Variants in OTUD7A observed in about 807,000 individuals in gnomAD.
The protein encoded by OTUD7A is OTU domain-containing protein 7A.
A neutral mutation model predicts 65.7 loss-of-function variants in OTUD7A; 12 were observed. The observed-to-expected ratio is 0.18, with a 90% CI of 0.12 to 0.30. The LOEUF (loss-of-function observed/expected upper bound fraction) is 0.30, where lower values mean the gene tolerates loss of function less well. OTUD7A is among the 10% of genes least tolerant of loss of function. OTUD7A has a pLI of 1.00. For synonymous variants in OTUD7A, 641 were observed against 586.3 expected (o/e 1.09, Z -1.35); for missense variants, 1,148 against 1,304.8 (o/e 0.88, Z 1.85).
rs1595549152 is a variant in OTUD7A at position 31,484,429 on chromosome 15, G to A, written c.1667C>T (p.Ala556Val). The A allele has an allele frequency of 3.7e-6, 6 of 1,602,882 alleles. No homozygotes were observed. Among genetic ancestry groups the A allele is most frequent in the Non-Finnish European group, 5.1e-6 (6 of 1,179,864 alleles). The change falls in exon 13 of 13, where the codon GCC (alanine) becomes GTC (valine). Residue 556 changes from alanine (A) to valine (V), a missense_variant. Physicochemically the swap from Ala to Val is moderately conservative, Grantham distance 64. This residue lies in a region of OTUD7A where 842 missense variants were observed against 769.5 expected (regional missense o/e 1.09). Coordinates refer to ENST00000307050, the MANE Select transcript of OTUD7A (RefSeq NM_001382637.1). The surrounding 1 kb of genome is among the most constrained non-coding windows in gnomAD (Gnocchi z 4.5). ...GGCCGAGTCCCCGTTCTTGCCATTG[G>A]CGGAGTTGGCGCGGCCCATCTTGCC... Reference protein sequence around the residue: ...VHGKMGRANSANGKNGDSAER... With the variant: ...VHGKMGRANSVNGKNGDSAER...
intron 8 of OTUD7A, among the ~76,000 whole-genome samples, chr15:31,505,400 G>C (rs566949302): frequency 1.3e-5 from 2 of 152,146 alleles, no homozygotes; most frequent in Admixed American, 1.3e-4. Context: ...AAAGTATACT[G>C]ATTTTTTTAT....
At chr15:31,774,951 G>T (rs1455385795) in intron 1 of OTUD7A, among the ~76,000 whole-genome samples, 2 of 138,732 alleles carry the variant, frequency 1.4e-5, no homozygotes, top group African/African-American at 5.4e-5. Flanking sequence ...CCTTCTCGGT[G>T]GAACAGTTTT....
chr15:31,551,839 G>GC (rs1320221055), intron 5 of OTUD7A, among the ~76,000 whole-genome samples: 1 of 152,200 alleles, frequency 6.6e-6, no homozygotes, highest in Non-Finnish European at 1.5e-5. Context: ...CCATGGGACT[G>GC]CGGTATTGCC....
intron 1 of OTUD7A, among the ~76,000 whole-genome samples, chr15:31,807,629 C>T (rs1211926676): frequency 6.6e-6 from 1 of 152,030 alleles, no homozygotes; most frequent in Non-Finnish European, 1.5e-5. Context: ...GTTAAGGGTC[C>T]CTGCCTAACA....
chr15:31,583,244 G>A (rs1307748038), intron 3 of OTUD7A, among the ~76,000 whole-genome samples: 2 of 152,156 alleles, frequency 1.3e-5, no homozygotes. Flanking sequence ...ATAGTCTCTA[G>A]CAAGAGGCAT....
intron 1 of OTUD7A, among the ~76,000 whole-genome samples, chr15:31,769,798 GGTTA>G (rs1373664945): frequency 2.0e-5 from 3 of 152,138 alleles, no homozygotes; most frequent in Admixed American, 6.5e-5. Flanking sequence ...GGTTGCCAGG[GGTTA>G]GTTAGGAGTA....
intron 1 of OTUD7A, among the ~76,000 whole-genome samples, chr15:31,733,508 C>T (rs1367632281): frequency 5.3e-5 from 8 of 152,190 alleles, no homozygotes; most frequent in Non-Finnish European, 1.2e-4. Context: ...TCAACTTAAA[C>T]GCTTTTTCCT....
intron 4 of OTUD7A, among the ~76,000 whole-genome samples, chr15:31,568,897 C>G (rs1173104380): frequency 1.3e-5 from 2 of 152,206 alleles, no homozygotes; most frequent in African/African-American, 4.8e-5. Context: ...TGTAAGCTTC[C>G]TGAGGCCTCC....
At chr15:31,509,085 A>G (rs2041632343) in intron 8 of OTUD7A, among the ~76,000 whole-genome samples, 2 of 152,104 alleles carry the variant, frequency 1.3e-5, no homozygotes, top group Admixed American at 1.3e-4. Context: ...TTTACTTTTA[A>G]TGTCTGACTA....
intron 1 of OTUD7A, among the ~76,000 whole-genome samples, chr15:31,717,418 G>A (rs1893619983): frequency 6.6e-6 from 1 of 152,022 alleles, no homozygotes; most frequent in African/African-American, 2.4e-5. Context: ...AGGCCCCAGT[G>A]TGTGATGTTC....
At chr15:31,656,624 C>T (rs1313686853) in intron 2 of OTUD7A, among the ~76,000 whole-genome samples, 1 of 148,176 alleles carries the variant, frequency 6.7e-6, no homozygotes, top group African/African-American at 2.5e-5. Context: ...GAATCCCATG[C>T]TATTGATGAC....
At chr15:31,780,104 G>A (rs775554718) in intron 1 of OTUD7A, among the ~76,000 whole-genome samples, 2 of 152,124 alleles carry the variant, frequency 1.3e-5, no homozygotes, top group African/African-American at 4.8e-5. Context: ...GGCCAGCCGC[G>A]ACAGCTGTCA....
At chr15:31,738,376 G>C (rs1894249621) in intron 1 of OTUD7A, among the ~76,000 whole-genome samples, 1 of 152,132 alleles carries the variant, frequency 6.6e-6, no homozygotes, top group South Asian at 2.1e-4. Flanking sequence ...GGAGACCTGA[G>C]CATGCAATAA....
intron 1 of OTUD7A, among the ~76,000 whole-genome samples, chr15:31,797,413 TCAA>T (rs1159102294): frequency 6.6e-6 from 1 of 152,196 alleles, no homozygotes; most frequent in Non-Finnish European, 1.5e-5. Context: ...CGGTCACCTC[TCAA>T]CGACGAGTAC....
At chr15:31,523,962 A>C (rs1824292040) in intron 8 of OTUD7A, among the ~76,000 whole-genome samples, 1 of 152,150 alleles carries the variant, frequency 6.6e-6, no homozygotes. Flanking sequence ...ACCCCAGTCC[A>C]TGGGACTCAG....
At chr15:31,767,424 T>G (rs1895119491) in intron 1 of OTUD7A, 4 of 774,582 alleles carry the variant, frequency 5.2e-6, no homozygotes, top group Non-Finnish European at 9.6e-6. Flanking sequence ...ATAAGTTGGA[T>G]TATTCATATC....
intron 1 of OTUD7A, among the ~76,000 whole-genome samples, chr15:31,826,194 A>G (rs1343720635): frequency 6.6e-6 from 1 of 152,248 alleles, no homozygotes; most frequent in Non-Finnish European, 1.5e-5. Context: ...CTGCCCTAGC[A>G]GAAGTTCTCC....
intron 3 of OTUD7A, among the ~76,000 whole-genome samples, chr15:31,640,691 A>G (rs868340690): frequency 6.8e-6 from 1 of 146,396 alleles, no homozygotes; most frequent in Non-Finnish European, 1.5e-5. Context: ...TGTTTCATTG[A>G]TCTAATTCTC....
rs1033706451 is a variant in OTUD7A, at chr15:31,680,256, C to T, written c.-99-23179G>A. Reference sequence around the variant, plus strand: ...AAAATTGTTTTTAATATAGAATACACATTTTAATATAGAATTGTAACTGTA... The same window carrying T: ...AAAATTGTTTTTAATATAGAATACATATTTTAATATAGAATTGTAACTGTA... On this transcript the variant is annotated intron_variant, in intron 1 of 12. Coordinates refer to ENST00000307050, the MANE Select transcript of OTUD7A (RefSeq NM_001382637.1). 8.5e-5 allele frequency among the ~76,000 whole-genome samples: 13 copies of T among 152,196 alleles called. No homozygotes were observed. The East Asian group carries it at 9.6e-4, about 11-fold the overall frequency.
Sources: allele counts gnomAD v4.1 joint callset (sites outside exome capture counted in the v4.1 genomes callset), GRCh38; gene constraint gnomAD v4.1.1; regional missense constraint gnomAD v4.1.1; non-coding constraint Gnocchi (gnomAD v3.1); transcripts MANE v1.5; gene names NCBI Gene and HGNC (gene_info 2026-07-23, HGNC 2026-07-21).